SLC19A1: variants seen among roughly 807,000 people sequenced by gnomAD.
SLC19A1 encodes the protein reduced folate transporter.
SLC19A1 carries 37 observed loss-of-function variants against 35.3 expected under a neutral mutation model. That is an observed-to-expected ratio of 1.05 (90% CI 0.81 to 1.38). The LOEUF (loss-of-function observed/expected upper bound fraction) is 1.38. Among genes scored for constraint, SLC19A1 ranks in the 40% most tolerant of loss-of-function variants. The pLI is 0.00. For synonymous variants in SLC19A1, 460 were observed against 398.5 expected, an observed-to-expected ratio of 1.15 and a Z score of -1.84; for missense variants, 831 against 826.9, an observed-to-expected ratio of 1.00 and a Z score of -0.06.
downstream of SLC19A1, among the ~76,000 whole-genome samples, chr21:45,510,837 C>T (rs2037534370): frequency 6.6e-6 from 1 of 152,138 alleles, no homozygotes; most frequent in Non-Finnish European, 1.5e-5. Context: ...TTAGCCAAGG[C>T]CTCTTGGGGT....
downstream of SLC19A1, chr21:45,512,426 AGGACCGGCGGCTCGGAGG>A: frequency 6.2e-7 from 1 of 1,604,118 alleles, no homozygotes; most frequent in Non-Finnish European, 8.5e-7. Context: ...ATGGCCGGAG[AGGACCGGCGGCTCGGAGG>A]AAGCCCCCAC....
intron 1 of SLC19A1, among the ~76,000 whole-genome samples, chr21:45,561,258 T>A (rs2078612474): frequency 6.6e-6 from 1 of 152,232 alleles, no homozygotes; most frequent in Non-Finnish European, 1.5e-5. Flanking sequence ...CTAGAAATAA[T>A]TGACCAAGTA....
chr21:45,507,252 T>A (rs1396400399), intron 3 of SLC19A1: 13 of 396,710 alleles, frequency 3.3e-5, no homozygotes, highest in Non-Finnish European at 5.4e-5. Context: ...AGGTGGGTGC[T>A]GGGCAGGGAG....
intron 1 of SLC19A1, among the ~76,000 whole-genome samples, chr21:45,556,007 A>AC (rs970907040): frequency 2.0e-5 from 3 of 151,894 alleles, no homozygotes; most frequent in Admixed American, 2.0e-4. Context: ...TTCCAGGAAG[A>AC]CCCCCGCCCT....
chr21:45,553,176 G>A (rs981938660), intron 1 of SLC19A1, among the ~76,000 whole-genome samples: 170 of 152,162 alleles, frequency 1.1e-3, no homozygotes, highest in Non-Finnish European at 3.5e-4. Context: ...TTTGTAAGCA[G>A]AGGCTGGGGC....
In SLC19A1 at chr21:45,504,713, G is replaced by C. The variant is rs141349767; in HGVS notation, c.498-6101C>G. On this transcript the variant is annotated intron_variant, in intron 3 of 4. Transcript: ENST00000417954. ...GTCCCTGTCCCCGTGTGGGGACGCAGCAGGCCACATGGGTGTGGGTGCACT... is the reference window on the plus strand; with the variant it reads ...GTCCCTGTCCCCGTGTGGGGACGCACCAGGCCACATGGGTGTGGGTGCACT... 4.1e-3 allele frequency among the ~76,000 whole-genome samples: 626 copies of C among 152,138 alleles called. 5 individuals are homozygous for C. The highest frequency in any genetic ancestry group is 0.014 in the Middle Eastern group (4 of 294).
intron 3 of SLC19A1, chr21:45,505,746 T>G: frequency 4.6e-6 from 5 of 1,081,482 alleles, no homozygotes; most frequent in Non-Finnish European, 6.8e-6. Flanking sequence ...CTGCGGCCCC[T>G]GCCCAGCACC....
chr21:45,503,519 A>G (rs1251391184), intron 3 of SLC19A1, among the ~76,000 whole-genome samples: 1 of 151,786 alleles, frequency 6.6e-6, no homozygotes, highest in Non-Finnish European at 1.5e-5. Context: ...CATCATTCTC[A>G]GTAAACTATT....
upstream of SLC19A1, among the ~76,000 whole-genome samples, chr21:45,547,766 TGGACGCATGTTTTA>T (rs1364772587): frequency 6.6e-6 from 1 of 152,242 alleles, no homozygotes; most frequent in Middle Eastern, 3.2e-3. Flanking sequence ...CCAGTCACCT[TGGACGCATGTTTTA>T]GGATCTCCTG....
At chr21:45,510,264 GGGTCAGTCCAGTCCTGAGGGC>G (rs2146127875), downstream of SLC19A1, 1 of 1,601,938 alleles carries the variant, frequency 6.2e-7, no homozygotes, top group Non-Finnish European at 8.5e-7. Context: ...ACCTCAAGGT[GGGTCAGTCCAGTCCTGAGGGC>G]GCGGGCTCCT....
chr21:45,511,331 A>T, downstream of SLC19A1: 1 of 706,112 alleles, frequency 1.4e-6, no homozygotes. Flanking sequence ...GACAAATCTT[A>T]TACATGCTCA....
chr21:45,509,276 C>A, downstream of SLC19A1: 1 of 1,521,084 alleles, frequency 6.6e-7, no homozygotes, highest in South Asian at 1.2e-5. Context: ...CCCTCTCACC[C>A]AGCCCAGAGG....
At chr21:45,524,825 T>C in intron 5 of SLC19A1, among the ~76,000 whole-genome samples, 1 of 148,950 alleles carries the variant, frequency 6.7e-6, no homozygotes, top group Non-Finnish European at 1.5e-5. Context: ...CCCTGAGTGT[T>C]CACACCTGGG....
intron 4 of SLC19A1, 87 bp from the exon 5 acceptor site, chr21:45,526,045 C>A (rs774410664): frequency 2.0e-4 from 299 of 1,463,544 alleles, no homozygotes; most frequent in Non-Finnish European, 2.7e-4. Context: ...CTCCCACCAG[C>A]CCATGACCCG....
rs758726167 is a variant in SLC19A1, at chr21:45,534,233, G to A, written c.190-2085C>T. 1.3e-5 allele frequency among the ~76,000 whole-genome samples: 2 copies of A among 152,154 alleles called. No homozygotes were observed. The highest frequency in any genetic ancestry group is 2.9e-5 in the Non-Finnish European group (2 of 68,010). ...TGGGGACATCAAACAGCCCCTCTGT[G>A]GGCAAGCTCTCCTGGCTGATGGCCT... is the stretch of plus-strand genomic sequence containing the variant. On this transcript the variant is annotated intron_variant, in intron 2 of 5. Coordinates refer to ENST00000311124, the MANE Select transcript of SLC19A1 (RefSeq NM_194255.4). The surrounding 1 kb of genome is among the most constrained non-coding windows in gnomAD (Gnocchi z 4.2).
chr21:45,542,427 T>A lies in SLC19A1; in HGVS notation c.-109A>T, dbSNP rs1409536033. 6.6e-6 allele frequency: 1 copy of A among 151,162 alleles called. No homozygotes were observed. The highest frequency in any genetic ancestry group is 6.6e-5 in the Admixed American group (1 of 15,198). The allele number at this position is 151,162 out of a possible 1,614,324, so 9.4% of individuals were successfully genotyped here. ...CGGACCCGGCCCCGCGCACGCGGACTCCGGGACTACAGCGCCCACAAGGCG... is the reference window on the plus strand; with the variant it reads ...CGGACCCGGCCCCGCGCACGCGGACACCGGGACTACAGCGCCCACAAGGCG... On this transcript the variant is annotated 5_prime_UTR_variant, in exon 1 of 6. Coordinates refer to ENST00000311124, the MANE Select transcript of SLC19A1 (RefSeq NM_194255.4).
At chr21:45,511,951 TCC>T (rs2037636117), downstream of SLC19A1, among the ~76,000 whole-genome samples, 1 of 151,888 alleles carries the variant, frequency 6.6e-6, no homozygotes, top group African/African-American at 2.4e-5. Context: ...CTGGCCCCTC[TCC>T]CCTCTGCCGT....
chr21:45,528,553 G>A (rs902796137), intron 4 of SLC19A1, among the ~76,000 whole-genome samples: 4 of 152,152 alleles, frequency 2.6e-5, no homozygotes, highest in African/African-American at 4.8e-5. Context: ...GAGGAAGCCC[G>A]CATGCCGGCC....
rs771826299 is a variant in SLC19A1, at chr21:45,531,945, G to C, written c.393C>G (p.Ala131=). The C allele has an allele frequency of 1.9e-6, 3 of 1,605,358 alleles. No individual in the cohort carries two copies. Among genetic ancestry groups the C allele is most frequent in the Non-Finnish European group, 2.5e-6 (3 of 1,176,808 alleles). Residue 131 remains alanine, a synonymous_variant, in exon 3 of 6, where the codon GCC becomes GCG. Coordinates refer to ENST00000311124, the MANE Select transcript of SLC19A1 (RefSeq NM_194255.4). ...LMELFYSVTM[A]ARIAYSSYIF... is the part of the protein sequence containing the mutation. ...TGTAGGAGGAATAGGCGATGCGCGC[G>C]GCCATGGTGACGCTGTAGAAGAGCT...
Sources: allele counts gnomAD v4.1 joint callset (sites outside exome capture counted in the v4.1 genomes callset), GRCh38; gene constraint gnomAD v4.1.1; non-coding constraint Gnocchi (gnomAD v3.1); transcripts MANE v1.5; gene names NCBI Gene and HGNC (gene_info 2026-07-23, HGNC 2026-07-21).